ELP4: variants seen among roughly 807,000 people sequenced by gnomAD.
ELP4 encodes the protein elongator acetyltransferase complex subunit 4.
In ELP4, 51 loss-of-function variants were observed where a neutral mutation model predicts 48.9. The ratio of observed to expected loss-of-function variants is 1.04; its 90% confidence interval spans 0.83 to 1.32. The LOEUF (loss-of-function observed/expected upper bound fraction) is 1.32, where lower values mean the gene tolerates loss of function less well. Ranked by LOEUF, ELP4 falls within the 40% of genes most tolerant of loss-of-function variation. The pLI, the probability that ELP4 is intolerant of heterozygous loss-of-function variation, is 0.00. For synonymous variants in ELP4, 210 were observed against 189.2 expected (o/e 1.11, Z -0.90); for missense variants, 519 against 514.6 (o/e 1.01, Z -0.08).
At chr11:31,635,436 C>A (rs1463450444) in intron 7 of ELP4, among the ~76,000 whole-genome samples, 2 of 151,940 alleles carry the variant, frequency 1.3e-5, no homozygotes, top group Non-Finnish European at 2.9e-5. Flanking sequence ...AGACTTTAGA[C>A]TTAAGTAGTC....
At chr11:31,763,267 T>A in intron 9 of ELP4, 1 of 565,198 alleles carries the variant, frequency 1.8e-6, no homozygotes, top group Non-Finnish European at 2.7e-6. Flanking sequence ...TGCAAATATT[T>A]AGGATAGATG....
chr11:31,615,013 C>G (rs1359375806), intron 5 of ELP4, among the ~76,000 whole-genome samples: 1 of 152,034 alleles, frequency 6.6e-6, no homozygotes, highest in Non-Finnish European at 1.5e-5. Flanking sequence ...TCTCAGTTTC[C>G]TCCTTTTACC....
At chr11:31,522,617 A>G (rs989547376) in intron 2 of ELP4, among the ~76,000 whole-genome samples, 1 of 152,284 alleles carries the variant, frequency 6.6e-6, no homozygotes, top group African/African-American at 2.4e-5. Context: ...TCTTGTGTAT[A>G]ACCTTTGCAC....
At chr11:31,733,841 G>A (rs1471562677) in intron 9 of ELP4, among the ~76,000 whole-genome samples, 2 of 152,144 alleles carry the variant, frequency 1.3e-5, no homozygotes, top group African/African-American at 2.4e-5. Flanking sequence ...TTGAAGAGTA[G>A]GGAACACATC....
At chr11:31,745,631 G>A (rs1218311590) in intron 9 of ELP4, among the ~76,000 whole-genome samples, 4 of 152,156 alleles carry the variant, frequency 2.6e-5, no homozygotes, top group African/African-American at 4.8e-5. Flanking sequence ...ACAAAAACAA[G>A]CAATGGGGAA....
intron 9 of ELP4, among the ~76,000 whole-genome samples, chr11:31,707,713 A>G (rs1946662971): frequency 6.6e-6 from 1 of 152,174 alleles, no homozygotes; most frequent in African/African-American, 2.4e-5. Context: ...AGGATCTCAA[A>G]GGATTAAGGT....
intron 9 of ELP4, among the ~76,000 whole-genome samples, chr11:31,660,368 T>C (rs1182839130): frequency 1.3e-5 from 2 of 152,208 alleles, no homozygotes; most frequent in Non-Finnish European, 2.9e-5. Context: ...GGCTACTCAT[T>C]TACAAGATCT....
At chr11:31,554,036 T>C (rs1956893318) in intron 3 of ELP4, among the ~76,000 whole-genome samples, 1 of 152,162 alleles carries the variant, frequency 6.6e-6, no homozygotes, top group African/African-American at 2.4e-5. Flanking sequence ...ATGCAGAGGA[T>C]CTAGGTTACG....
intron 9 of ELP4, chr11:31,663,356 TG>T (rs1018280714): frequency 2.0e-5 from 3 of 152,060 alleles, no homozygotes; most frequent in African/African-American, 7.2e-5. Context: ...TGTTTTCATT[TG>T]TAGCATGTTT....
At chr11:31,691,930 G>A (rs1946289617) in intron 9 of ELP4, among the ~76,000 whole-genome samples, 1 of 152,112 alleles carries the variant, frequency 6.6e-6, no homozygotes, top group Admixed American at 6.6e-5. Context: ...ACATGATATT[G>A]AAACATCATT....
At chr11:31,628,552 T>G (rs950010526) in intron 6 of ELP4, 6 of 151,960 alleles carry the variant, frequency 3.9e-5, no homozygotes, top group Admixed American at 1.3e-4. Flanking sequence ...TATTCGATGA[T>G]GAAAACACTA....
At chr11:31,639,581 C>G (rs897730887) in intron 7 of ELP4, among the ~76,000 whole-genome samples, 2 of 151,842 alleles carry the variant, frequency 1.3e-5, no homozygotes, top group African/African-American at 4.8e-5. Context: ...ATGATTGAAA[C>G]TTTTTACACA....
chr11:31,749,573 C>T (rs1400568630), intron 9 of ELP4, among the ~76,000 whole-genome samples: 2 of 151,944 alleles, frequency 1.3e-5, no homozygotes, highest in Admixed American at 1.3e-4. Context: ...TTTAAAACAT[C>T]GATTATTTAA....
rs776186007 is a variant in ELP4 at position 31,509,836 on chromosome 11, G to C, written c.52G>C (p.Val18Leu). The C allele has an allele frequency of 3.1e-6, 5 of 1,614,222 alleles. No individual in the cohort carries two copies. The highest frequency in any genetic ancestry group is 4.2e-6 in the Non-Finnish European group (5 of 1,180,032). Residue 18 changes from valine (V) to leucine (L), a missense_variant, in exon 1 of 10, where the codon GTG (valine) becomes CTG (leucine). Val to Leu is a conservative substitution (Grantham distance 32). Transcript: ENST00000640961. ...GSVAASTGSA[V>L]ATASKSNVTS... ...TGTTGCCGCGAGTACTGGGTCTGCAGTGGCGACAGCCAGCAAGAGCAACGT... is the reference window on the plus strand; with the variant it reads ...TGTTGCCGCGAGTACTGGGTCTGCACTGGCGACAGCCAGCAAGAGCAACGT...
intron 4 of ELP4, among the ~76,000 whole-genome samples, chr11:31,603,355 G>T (rs1957815690): frequency 6.6e-6 from 1 of 151,770 alleles, no homozygotes; most frequent in East Asian, 1.9e-4. Flanking sequence ...TCTTACCAGT[G>T]AATTAATTGG....
At chr11:31,520,825 G>T (rs1370745962) in intron 2 of ELP4, among the ~76,000 whole-genome samples, 1 of 151,802 alleles carries the variant, frequency 6.6e-6, no homozygotes, top group African/African-American at 2.4e-5. Context: ...CCTTAACCTG[G>T]TTTTATATGT....
At chr11:31,731,568 G>GTGTGTGTGTGTGTGTGTGTGTA (rs1554974423) in intron 9 of ELP4, among the ~76,000 whole-genome samples, 1 of 250 alleles carries the variant, frequency 4.0e-3, no homozygotes, top group African/African-American at 0.011. Flanking sequence ...CATTAAGCAG[G>GTGTGTGTGTGTGTGTGTGTGTA]TGTGTGTGTG....
At chr11:31,695,085 A>G (rs1173801390) in intron 9 of ELP4, among the ~76,000 whole-genome samples, 1 of 152,184 alleles carries the variant, frequency 6.6e-6, no homozygotes, top group Non-Finnish European at 1.5e-5. Context: ...CTAGATATAC[A>G]ATCATGTCAT....
chr11:31,764,819 G>A (rs1371458833), intron 9 of ELP4, among the ~76,000 whole-genome samples: 1 of 152,202 alleles, frequency 6.6e-6, no homozygotes, highest in African/African-American at 2.4e-5. Flanking sequence ...CCCCACAGGT[G>A]TCGGTTTTAT....
Sources: allele counts gnomAD v4.1 joint callset (sites outside exome capture counted in the v4.1 genomes callset), GRCh38; gene constraint gnomAD v4.1.1; transcripts MANE v1.5; gene names NCBI Gene and HGNC (gene_info 2026-07-23, HGNC 2026-07-21).